The following UGGT2 variants were observed in gnomAD, a reference collection of about 807,000 sequenced individuals.
UGGT2 encodes UDP-glucose glycoprotein glucosyltransferase 2, also known as UDP-glucose:glycoprotein glucosyltransferase 2.
A neutral mutation model predicts 192.1 loss-of-function variants in UGGT2; 180 were observed. The observed-to-expected ratio is 0.94, with a 90% CI of 0.83 to 1.06. UGGT2 has a LOEUF of 1.06. Among genes scored for constraint, UGGT2 ranks in the 50% least tolerant of loss-of-function variants. UGGT2 has a pLI of 0.00. For synonymous variants in UGGT2, 580 were observed against 591.0 expected (o/e 0.98, Z 0.27); for missense variants, 1,849 against 1,795.7 (o/e 1.03, Z -0.54).
intron 12 of UGGT2, among the ~76,000 whole-genome samples, chr13:95,958,917 C>T (rs994393958): frequency 7.9e-5 from 12 of 152,304 alleles, no homozygotes; most frequent in African/African-American, 2.6e-4. Flanking sequence ...ATGGAAAAGC[C>T]CCTTCACCCT....
chr13:95,877,820 A>G lies in UGGT2; in HGVS notation c.3265T>C (p.Tyr1089His). 6.2e-7 allele frequency: 1 copy of G among 1,613,874 alleles called. No homozygotes were observed. The highest frequency in any genetic ancestry group is 8.5e-7 in the Non-Finnish European group (1 of 1,179,920). The part of the protein sequence containing the change: ...KTVTAEYELE[Y>H]LLLEGQCFDK... ...AAGCATTGTCCTTCCAGTAGTAAGT[A>G]TTCTAGTTCATATTCTGCTGTAACA... is the stretch of plus-strand genomic sequence containing the variant. The change falls in exon 28 of 39, where the codon TAC (tyrosine) becomes CAC (histidine). Residue 1089 changes from tyrosine to histidine, a missense_variant. Transcript: ENST00000376747.
intron 37 of UGGT2, among the ~76,000 whole-genome samples, 196 bp from the exon 38 acceptor site, chr13:95,833,249 C>A (rs1346137202): frequency 6.6e-6 from 1 of 152,040 alleles, no homozygotes; most frequent in Admixed American, 6.6e-5. Context: ...AATACAAATA[C>A]CTCAATCAGA....
intron 27 of UGGT2, among the ~76,000 whole-genome samples, chr13:95,882,509 T>C (rs1385137663): frequency 6.6e-6 from 1 of 152,164 alleles, no homozygotes; most frequent in Non-Finnish European, 1.5e-5. Context: ...TTTTCCAGGA[T>C]GGTTGCAGAA....
intron 22 of UGGT2, among the ~76,000 whole-genome samples, chr13:95,897,810 G>GA (rs1452472667): frequency 4.6e-5 from 7 of 152,146 alleles, no homozygotes; most frequent in African/African-American, 1.2e-4. Flanking sequence ...TTAGTCAACA[G>GA]AAAAAATCAA....
In UGGT2 at chr13:95,902,843, T is replaced by C. The variant is rs1407450174; in HGVS notation, c.2502+11A>G. The C allele has an allele frequency of 6.2e-7, 1 of 1,606,322 alleles. No individual in the cohort carries two copies. Among genetic ancestry groups the C allele is most frequent in the African/African-American group, 1.3e-5 (1 of 74,642 alleles). ...ATACATACATATTTAATATTTCAAATAGCTACTGACCTCAATAAGGAATGT... is the reference window on the plus strand; with the variant it reads ...ATACATACATATTTAATATTTCAAACAGCTACTGACCTCAATAAGGAATGT... On this transcript the variant is annotated intron_variant, in intron 21 of 38. Coordinates refer to ENST00000376747, the MANE Select transcript of UGGT2 (RefSeq NM_020121.4).
intron 1 of UGGT2, among the ~76,000 whole-genome samples, chr13:96,051,252 T>C (rs1163369547): frequency 6.6e-6 from 1 of 152,154 alleles, no homozygotes; most frequent in Non-Finnish European, 1.5e-5. Flanking sequence ...AAACACCTCA[T>C]GTTCTCACTC....
At chr13:95,946,918 A>C in intron 15 of UGGT2, 119 bp downstream of exon 15, 1 of 1,111,024 alleles carries the variant, frequency 9.0e-7, no homozygotes, top group Non-Finnish European at 1.2e-6. Flanking sequence ...ATGACAGTTT[A>C]TAAACTTTGA....
At chr13:95,931,353 AC>A (rs1430210844) in intron 17 of UGGT2, among the ~76,000 whole-genome samples, 1 of 151,872 alleles carries the variant, frequency 6.6e-6, no homozygotes, top group African/African-American at 2.4e-5. Flanking sequence ...TCCCCACTAG[AC>A]TCTGGAGCCC....
intron 1 of UGGT2, among the ~76,000 whole-genome samples, chr13:96,033,849 C>T (rs2052914773): frequency 6.6e-6 from 1 of 152,148 alleles, no homozygotes; most frequent in Non-Finnish European, 1.5e-5. Flanking sequence ...CTGAAAGGTG[C>T]CCCATGACGC....
intron 10 of UGGT2, among the ~76,000 whole-genome samples, chr13:95,974,418 G>T (rs537089736): frequency 6.6e-6 from 1 of 152,138 alleles, no homozygotes; most frequent in South Asian, 2.1e-4. Flanking sequence ...GAGCTCAATT[G>T]TAAGTACAAA....
chr13:95,873,819 A>T (rs1891431451), intron 29 of UGGT2, among the ~76,000 whole-genome samples: 1 of 152,144 alleles, frequency 6.6e-6, no homozygotes, highest in Non-Finnish European at 1.5e-5. Flanking sequence ...TGTCACCGCG[A>T]TGATCAGGCA....
At chr13:95,831,077 A>G (rs1283963926) in intron 38 of UGGT2, among the ~76,000 whole-genome samples, 2 of 146,092 alleles carry the variant, frequency 1.4e-5, no homozygotes, top group Non-Finnish European at 3.0e-5. Context: ...GAAATGAACA[A>G]TGAGAACACC....
chr13:95,890,507 G>A (rs1327976333), intron 25 of UGGT2, among the ~76,000 whole-genome samples: 1 of 152,042 alleles, frequency 6.6e-6, no homozygotes, highest in African/African-American at 2.4e-5. Context: ...CAATCCTATT[G>A]GATCAGGGTC....
intron 12 of UGGT2, among the ~76,000 whole-genome samples, chr13:95,962,320 A>C (rs748885126): frequency 3.3e-5 from 5 of 152,130 alleles, no homozygotes; most frequent in Non-Finnish European, 5.9e-5. Context: ...CACTTGATAG[A>C]CTAACCATGA....
chr13:95,986,499 T>C (rs2051293614), intron 8 of UGGT2, 67 bp from the exon 9 acceptor site: 4 of 1,123,934 alleles, frequency 3.6e-6, no homozygotes, highest in East Asian at 2.5e-5. Flanking sequence ...TTCCATGAAA[T>C]TGAAATACTT....
At chr13:95,938,223 C>A (rs1209731409) in intron 16 of UGGT2, among the ~76,000 whole-genome samples, 3 of 152,108 alleles carry the variant, frequency 2.0e-5, no homozygotes, top group African/African-American at 7.2e-5. Flanking sequence ...ACTAATACAG[C>A]AGTGTTTACA....
At chr13:96,023,288 TC>T (rs1429150436) in intron 3 of UGGT2, 136 bp from the exon 4 acceptor site, 2 of 655,722 alleles carry the variant, frequency 3.1e-6, no homozygotes, top group African/African-American at 3.8e-5. Context: ...TAAAAAAACA[TC>T]TATACGTAGG....
At chr13:95,908,196 A>G (rs925403210) in intron 20 of UGGT2, among the ~76,000 whole-genome samples, 11 of 152,230 alleles carry the variant, frequency 7.2e-5, no homozygotes, top group Non-Finnish European at 1.5e-4. Context: ...ACAAGCTTAG[A>G]GAAAAAAGAC....
chr13:96,027,155 AAT>A (rs2052695162), intron 2 of UGGT2, among the ~76,000 whole-genome samples: 2 of 152,206 alleles, frequency 1.3e-5, no homozygotes, highest in South Asian at 4.1e-4. Context: ...TCAGCAAGAA[AAT>A]AATAAAAATT....
Sources: allele counts gnomAD v4.1 joint callset (sites outside exome capture counted in the v4.1 genomes callset), GRCh38; gene constraint gnomAD v4.1.1; transcripts MANE v1.5; gene names NCBI Gene and HGNC (gene_info 2026-07-23, HGNC 2026-07-21).